RYR1: variants seen among roughly 807,000 people sequenced by gnomAD.
The protein encoded by RYR1 is central core disease of muscle.
In RYR1, 342 loss-of-function variants were observed where a neutral mutation model predicts 583.5. The ratio of observed to expected loss-of-function variants is 0.59; its 90% CI spans 0.54 to 0.64. The LOEUF (loss-of-function observed/expected upper bound fraction) is 0.64. Among genes scored for constraint, RYR1 ranks in the 30% least tolerant of loss-of-function variants. The pLI is 0.00. For missense variants in RYR1, 6,032 were observed against 6,917.2 expected, an observed-to-expected ratio of 0.87 and a Z score of 4.54; for synonymous variants, 2,791 against 2,822.5, an observed-to-expected ratio of 0.99 and a Z score of 0.35.
chr19:38,516,757 T>C (rs941446904), intron 65 of RYR1, among the ~76,000 whole-genome samples: 1 of 152,190 alleles, frequency 6.6e-6, no homozygotes, highest in African/African-American at 2.4e-5. Flanking sequence ...AGTTACTATG[T>C]ATGAGGCGCT....
intron 36 of RYR1, 83 bp downstream of exon 36, chr19:38,490,359 C>T (rs1969499115): frequency 1.5e-6 from 2 of 1,361,270 alleles, no homozygotes; most frequent in Admixed American, 1.9e-5. Flanking sequence ...TGAGGACCCT[C>T]AACCTCTAAA....
chr19:38,500,077 T>C lies in RYR1; in HGVS notation c.7323+61T>C. The C allele has an allele frequency of 7.0e-7, 1 of 1,432,050 alleles. No individual in the cohort carries two copies. The highest frequency in any genetic ancestry group is 2.3e-5 in the East Asian group (1 of 43,838). The allele number at this position is 1,432,050 out of a possible 1,614,324, so 88.7% of individuals were successfully genotyped here. On this transcript the variant is annotated intron_variant, in intron 45 of 105. Transcript: ENST00000359596. The surrounding 1 kb of genome is among the most constrained non-coding windows in gnomAD (Gnocchi z 5.9). Reference sequence around the variant, plus strand: ...GGCAGGCACAGCCGCTTTGAACGCCTCATGCAGGCACTCGGTGACACGGAG... The same window carrying C: ...GGCAGGCACAGCCGCTTTGAACGCCCCATGCAGGCACTCGGTGACACGGAG...
Position 38,496,607 on chromosome 19 carries a change from C to T in RYR1, c.6796+66C>T. 1 of 1,590,226 alleles carries T rather than the reference C, an allele frequency of 6.3e-7. No homozygotes were observed. The highest frequency in any genetic ancestry group is 1.1e-5 in the South Asian group (1 of 90,472). On this transcript the variant is annotated intron_variant, in intron 41 of 105. Coordinates refer to ENST00000359596, the MANE Select transcript of RYR1 (RefSeq NM_000540.3). The surrounding 1 kb of genome is among the most constrained non-coding windows in gnomAD (Gnocchi z 4.8). The stretch of plus-strand genomic sequence containing the variant: ...CTCCTGGCACCCCGTCCAGGCCTGC[C>T]CCACTTTCCACCAGCTCACTCATTC...
intron 67 of RYR1, among the ~76,000 whole-genome samples, chr19:38,522,787 T>C (rs577719748): frequency 2.6e-5 from 4 of 151,500 alleles, no homozygotes; most frequent in Non-Finnish European, 5.9e-5. Context: ...CCGTCTCTAC[T>C]AAAAATACAA....
At chr19:38,461,939 C>A (rs1405965120) in intron 20 of RYR1, among the ~76,000 whole-genome samples, 1 of 151,926 alleles carries the variant, frequency 6.6e-6, no homozygotes, top group Non-Finnish European at 1.5e-5. Context: ...CCTGTAATCC[C>A]AGCTACTCAG....
chr19:38,483,346 G>T lies in RYR1; in HGVS notation c.4764G>T (p.Pro1588=), dbSNP rs531243171. The change falls in exon 33 of 106, where the codon CCG becomes CCT. Residue 1588 remains proline (P), a synonymous_variant. Coordinates refer to ENST00000359596, the MANE Select transcript of RYR1 (RefSeq NM_000540.3). This position sits in a 1 kb window ranked among gnomAD's most constrained non-coding sequence, Gnocchi z 6.3. Reference sequence around the variant, plus strand: ...AAAGCGAGCGCAAGAACCCGGCCCCGCAGTGCCCACCGCGGCTGGAGATGC... The same window carrying T: ...AAAGCGAGCGCAAGAACCCGGCCCCTCAGTGCCCACCGCGGCTGGAGATGC... The part of the protein sequence containing the change: ...MFQSERKNPA[P]QCPPRLEMQM... 1.3e-6 allele frequency: 2 copies of T among 1,561,018 alleles called. No individual in the cohort carries two copies. Among genetic ancestry groups the T allele is most frequent in the Non-Finnish European group, 8.7e-7 (1 of 1,152,694 alleles).
Position 38,561,083 on chromosome 19 carries a change from C to T in RYR1, c.12283-30C>T, listed in dbSNP as rs1044718927. 6.3e-6 allele frequency: 10 copies of T among 1,582,706 alleles called. No homozygotes were observed. The highest frequency in any genetic ancestry group is 1.7e-5 in the Admixed American group (1 of 59,826). On this transcript the variant is annotated intron_variant, in intron 89 of 105. Coordinates refer to ENST00000359596, the MANE Select transcript of RYR1 (RefSeq NM_000540.3). This position sits in a 1 kb window ranked among gnomAD's most constrained non-coding sequence, Gnocchi z 4.8. ...GAGAGAGAATTGAGGCTCTCCAGGTCACCCCACTGACCTCCCTGCCCGCCC... is the reference window on the plus strand; with the variant it reads ...GAGAGAGAATTGAGGCTCTCCAGGTTACCCCACTGACCTCCCTGCCCGCCC...
intron 47 of RYR1, among the ~76,000 whole-genome samples, chr19:38,501,938 A>C (rs1970139500): frequency 6.6e-6 from 1 of 152,024 alleles, no homozygotes; most frequent in Non-Finnish European, 1.5e-5. Context: ...GTGAACCATG[A>C]TTACATCTCT....
At chr19:38,525,541 C>A (rs776901587) in intron 71 of RYR1, 39 bp downstream of exon 71, 2 of 1,600,770 alleles carry the variant, frequency 1.2e-6, no homozygotes, top group South Asian at 2.2e-5. Flanking sequence ...TTCCAGGATG[C>A]CGCCCAGCAC....
chr19:38,499,787 G>A lies in RYR1; in HGVS notation c.7180G>A (p.Gly2394Ser), dbSNP rs1970019960. 4 of 1,604,208 alleles carry A rather than the reference G, an allele frequency of 2.5e-6. No individual in the cohort carries two copies. In the East Asian group the frequency reaches 6.7e-5, roughly 27 times the overall value. ...CATCTCCGAGGACCCTGCGAGGGAT[G>A]GCCCAGGCATCCGCAGGGACCGGCG... ...IRISEDPARD[G>S]PGIRRDRRRE... Residue 2394 changes from glycine (G) to serine (S), a missense_variant, in exon 44 of 106, where the codon GGC (glycine) becomes AGC (serine). By Grantham distance (56) the Gly-to-Ser change is moderately conservative. This residue lies in a region of RYR1 where 2,627 missense variants were observed against 2,961.3 expected (regional missense o/e 0.89). Transcript: ENST00000359596. The surrounding 1 kb of genome is among the most constrained non-coding windows in gnomAD (Gnocchi z 7.3).
At chr19:38,443,261 G>T (rs1344357140) in intron 3 of RYR1, among the ~76,000 whole-genome samples, 1 of 152,182 alleles carries the variant, frequency 6.6e-6, no homozygotes, top group African/African-American at 2.4e-5. Context: ...TAGAAGACGG[G>T]TTCATTCTCC....
intron 82 of RYR1, 103 bp from the exon 83 acceptor site, chr19:38,536,645 CTG>C: frequency 4.5e-6 from 6 of 1,323,914 alleles, no homozygotes; most frequent in Non-Finnish European, 6.5e-6. Flanking sequence ...GTGTGTCTTT[CTG>C]TGTCTCTGTC....
chr19:38,453,754 G>A (rs1448707076), intron 13 of RYR1, among the ~76,000 whole-genome samples: 2 of 152,026 alleles, frequency 1.3e-5, no homozygotes, highest in Non-Finnish European at 2.9e-5. Context: ...AGGCCATGAG[G>A]TGGGCGGGTG....
intron 16 of RYR1, among the ~76,000 whole-genome samples, chr19:38,456,053 C>A (rs897010311): frequency 1.4e-5 from 2 of 147,402 alleles, no homozygotes; most frequent in Non-Finnish European, 3.0e-5. Context: ...CTCACTGCAA[C>A]CTCTGCCTCC....
rs1972293391 is a variant in RYR1 at position 38,543,515 on chromosome 19, C to G, written c.11779-17C>G. ...GTCGGCCCCAGCACCCCCTCACACC[C>G]TACCCGCCCCCACCAGGAATCCATC... On this transcript the variant is annotated splice_polypyrimidine_tract_variant and intron_variant, in intron 85 of 105. Transcript: ENST00000359596. This position sits in a 1 kb window ranked among gnomAD's most constrained non-coding sequence, Gnocchi z 4.4. 6.2e-7 allele frequency: 1 copy of G among 1,614,068 alleles called. No homozygotes were observed. The highest frequency in any genetic ancestry group is 1.3e-5 in the African/African-American group (1 of 74,934).
In RYR1 at chr19:38,499,944, C is replaced by A. The variant is rs1032561594; in HGVS notation, c.7251C>A (p.His2417Gln). 6.2e-7 allele frequency: 1 copy of A among 1,614,096 alleles called. No individual in the cohort carries two copies. The highest frequency in any genetic ancestry group is 8.5e-7 in the Non-Finnish European group (1 of 1,180,002). The change falls in exon 45 of 106, where the codon CAC (histidine) becomes CAA (glutamine). Residue 2417 changes from histidine (H) to glutamine (Q), a missense_variant. This residue lies in a region of RYR1 where 2,627 missense variants were observed against 2,961.3 expected (regional missense o/e 0.89). Transcript: ENST00000359596. The surrounding 1 kb of genome is among the most constrained non-coding windows in gnomAD (Gnocchi z 7.3). ...GEEPPEENRV[H>Q]LGHAIMSFYA... ...AACCGCCTGAAGAAAACCGGGTGCA[C>A]CTGGGACACGCCATCATGTCCTTCT...
chr19:38,542,422 A>G lies in RYR1; in HGVS notation c.11690-925A>G, dbSNP rs769047544. ...CTCCCTGCTACATAGTTGGTGGTCA[A>G]TATACAAATTTGTTGGAAAAAACTG... On this transcript the variant is annotated intron_variant, in intron 84 of 105. Coordinates refer to ENST00000359596, the MANE Select transcript of RYR1 (RefSeq NM_000540.3). Among the ~76,000 whole-genome samples, 68 of 152,326 alleles carry G rather than the reference A, an allele frequency of 4.5e-4. 1 individual carries two copies. The highest frequency in any genetic ancestry group is 4.0e-3 in the Admixed American group (61 of 15,290).
chr19:38,570,086 G>A (rs529034921), intron 93 of RYR1, among the ~76,000 whole-genome samples: 34 of 152,268 alleles, frequency 2.2e-4, no homozygotes, highest in East Asian at 1.7e-3. Context: ...ATTTGAACCC[G>A]GTAGGCAGAG....
intron 17 of RYR1, 33 bp downstream of exon 17, chr19:38,457,663 G>T: frequency 6.2e-7 from 1 of 1,609,640 alleles, no homozygotes; most frequent in Non-Finnish European, 8.5e-7. Context: ...CCAGAACTCA[G>T]AACCTCTCAA....
Sources: gnomAD v4.1 joint callset for allele counts (sites outside exome capture counted in the v4.1 genomes callset) on GRCh38, gnomAD v4.1.1 for gene constraint, gnomAD v4.1.1 regional missense constraint, Gnocchi (gnomAD v3.1) non-coding constraint, MANE v1.5 for transcripts, NCBI Gene and HGNC (gene_info 2026-07-23, HGNC 2026-07-21) for gene names.